MYO15A: variants seen among roughly 807,000 people sequenced by gnomAD.
MYO15A encodes unconventional myosin-XV.
MYO15A carries 308 observed loss-of-function variants against 394.6 expected under a neutral mutation model. The observed-to-expected ratio is 0.78, with a 90% CI of 0.71 to 0.86. The LOEUF (loss-of-function observed/expected upper bound fraction) is 0.86. Ranked by LOEUF, MYO15A falls within the 40% of genes least tolerant of loss-of-function variation. The probability of loss-of-function intolerance (pLI) is 0.00; values close to 1 mark genes in which losing one functional copy is unlikely to be tolerated. For synonymous variants in MYO15A, 1,957 were observed against 2,003.8 expected, an observed-to-expected ratio of 0.98 and a Z score of 0.62; for missense variants, 4,606 against 4,799.1, an observed-to-expected ratio of 0.96 and a Z score of 1.19.
Position 18,119,152 on chromosome 17 carries a change from G to A in MYO15A, c.352G>A (p.Gly118Ser), listed in dbSNP as rs749719787. ...CCGCTTCCCAGGCCGCCGTGGCTAC[G>A]GCCGCCTGCGGCCGCGCGCCCGGTC... ...VIRFPGRRGY[G>S]RLRPRARSLS... Residue 118 changes from glycine to serine, a missense_variant, in exon 2 of 66, where the codon GGC becomes AGC. Around this residue, in one of 2 missense-constraint regions of MYO15A, gnomAD observed 1,830 missense variants for 1,689.7 expected, o/e 1.08. Transcript: ENST00000647165. 3.1e-6 allele frequency: 5 copies of A among 1,608,280 alleles called. No individual in the cohort carries two copies. Among genetic ancestry groups the A allele is most frequent in the Non-Finnish European group, 4.2e-6 (5 of 1,176,756 alleles).
intron 10 of MYO15A, among the ~76,000 whole-genome samples, chr17:18,131,764 C>T (rs2046172231): frequency 6.6e-6 from 1 of 152,140 alleles, no homozygotes; most frequent in African/African-American, 2.4e-5. Flanking sequence ...TTTGCACCTT[C>T]TGTTCCTTCC....
intron 30 of MYO15A, 28 bp downstream of exon 30, chr17:18,146,135 C>A (rs2046476368): frequency 6.2e-7 from 1 of 1,607,662 alleles, no homozygotes; most frequent in African/African-American, 1.3e-5. Context: ...GGGGCTGGGA[C>A]ACGAGGGACG....
At chr17:18,131,959 A>G (rs961116659) in intron 10 of MYO15A, among the ~76,000 whole-genome samples, 4 of 152,046 alleles carry the variant, frequency 2.6e-5, no homozygotes, top group Admixed American at 2.6e-4. Flanking sequence ...TGTCTCATAT[A>G]TTTTATGTTT....
intron 60 of MYO15A, among the ~76,000 whole-genome samples, chr17:18,165,465 A>C (rs1054356500): frequency 6.6e-6 from 1 of 152,002 alleles, no homozygotes; most frequent in Non-Finnish European, 1.5e-5. Flanking sequence ...TAGAATCCTC[A>C]TATCTCTCTC....
chr17:18,138,928 A>G lies in MYO15A; in HGVS notation c.5125A>G (p.Thr1709Ala). ...CATCAAGCACTATGCAGGCAAGGTC[A>G]CCTACCAGGTGAGCCCTAAGACAGT... ...FTIKHYAGKV[T>A]YQVHKFLDKN... Residue 1709 changes from threonine (T) to alanine (A), a missense_variant, in exon 18 of 66, where the codon ACC becomes GCC. Around this residue, in one of 2 missense-constraint regions of MYO15A, gnomAD observed 2,776 missense variants for 3,109.3 expected, o/e 0.89. Transcript: ENST00000647165. The G allele has an allele frequency of 6.2e-7, 1 of 1,612,236 alleles. No individual in the cohort carries two copies. Among genetic ancestry groups the G allele is most frequent in the South Asian group, 1.1e-5 (1 of 90,676 alleles).
intron 30 of MYO15A, among the ~76,000 whole-genome samples, chr17:18,146,578 G>A (rs2046484464): frequency 6.6e-6 from 1 of 152,148 alleles, no homozygotes; most frequent in African/African-American, 2.4e-5. Flanking sequence ...TAAGTGTGAT[G>A]ATTGAGTTTT....
chr17:18,148,640 C>T lies in MYO15A; in HGVS notation c.6764+72C>T. ...TGTTGTGGGGGGAGGTCAGATCCCC[C>T]AGAGGGTCCCATAGGGTCCATTCTG... On this transcript the variant is annotated intron_variant, in intron 32 of 65. Coordinates refer to ENST00000647165, the MANE Select transcript of MYO15A (RefSeq NM_016239.4). The surrounding 1 kb of genome is among the most constrained non-coding windows in gnomAD (Gnocchi z 4.8). 1 of 1,547,328 alleles carries T rather than the reference C, an allele frequency of 6.5e-7. No homozygotes were observed. Among genetic ancestry groups the T allele is most frequent in the Non-Finnish European group, 8.7e-7 (1 of 1,144,006 alleles).
intron 62 of MYO15A, 113 bp downstream of exon 62, chr17:18,167,836 T>C (rs1214498141): frequency 2.7e-6 from 4 of 1,478,786 alleles, no homozygotes; most frequent in African/African-American, 2.8e-5. Context: ...TCCCCTCTTA[T>C]ACCAGTGGGG....
chr17:18,136,820 G>C, intron 15 of MYO15A, 134 bp downstream of exon 15: 1 of 1,283,730 alleles, frequency 7.8e-7, no homozygotes, highest in Non-Finnish European at 1.1e-6. Context: ...ACCCCTCCCT[G>C]TCACCATCTC....
chr17:18,169,213 G>C (rs1453492589), intron 62 of MYO15A, among the ~76,000 whole-genome samples: 1 of 151,276 alleles, frequency 6.6e-6, no homozygotes, highest in East Asian at 1.9e-4. Context: ...TTGGGAGGTC[G>C]AGGTGCGTGG....
intron 57 of MYO15A, among the ~76,000 whole-genome samples, chr17:18,161,665 C>T (rs1359974960): frequency 6.6e-6 from 1 of 152,158 alleles, no homozygotes; most frequent in Non-Finnish European, 1.5e-5. Flanking sequence ...GGGATGACTC[C>T]TTGGAGGAAG....
Position 18,149,381 on chromosome 17 carries a change from A to G in MYO15A, c.7117+5A>G. On this transcript the variant is annotated splice_donor_5th_base_variant and intron_variant, in intron 34 of 65. Coordinates refer to ENST00000647165, the MANE Select transcript of MYO15A (RefSeq NM_016239.4). ...GAGGGACAGCAACCCACCAAGGTCA[A>G]CCAACAATGGCTGCTGTCTCTGGTG... The G allele has an allele frequency of 6.2e-7, 1 of 1,606,972 alleles. No individual in the cohort carries two copies. Among genetic ancestry groups the G allele is most frequent in the Non-Finnish European group, 8.5e-7 (1 of 1,176,418 alleles).
chr17:18,160,049 C>T, intron 56 of MYO15A, 32 bp downstream of exon 56: 1 of 1,596,970 alleles, frequency 6.3e-7, no homozygotes, highest in Non-Finnish European at 8.5e-7. Flanking sequence ...CCACCATCCC[C>T]TCACTGTGTC....
chr17:18,123,323 T>C (rs1731292681), intron 2 of MYO15A: 1 of 152,246 alleles, frequency 6.6e-6, no homozygotes, highest in South Asian at 2.1e-4. Flanking sequence ...GCTGCAGCGT[T>C]GCGGGAGCGG....
At position 18,155,063 on chromosome 17, in the gene MYO15A, G is replaced by A. The variant is rs374852666; in HGVS notation, c.8225-47G>A. 2.1e-5 allele frequency: 33 copies of A among 1,558,964 alleles called. No individual in the cohort carries two copies. In the African/African-American group the frequency reaches 4.2e-4, roughly 20 times the overall value. On this transcript the variant is annotated intron_variant, in intron 45 of 65. Coordinates refer to ENST00000647165, the MANE Select transcript of MYO15A (RefSeq NM_016239.4). ...CCCTGACATCCCCGAGATGGGGGTT[G>A]CCAGGGGAGTGGGGAGAGGGTCCTG...
chr17:18,148,856 T>C lies in MYO15A; in HGVS notation c.6860T>C (p.Val2287Ala). ...GGCCACGACTACGTGTTAGACCTGG[T>C]GTCGGACCTGGAGCTGCTCAGGGAC... ...LAGHDYVLDL[V>A]SDLELLRDFP... The change falls in exon 33 of 66, where the codon GTG becomes GCG. Residue 2287 changes from valine to alanine, a missense_variant. Val to Ala is a moderately conservative substitution (Grantham distance 64, BLOSUM62 0). Transcript: ENST00000647165. The surrounding 1 kb of genome is among the most constrained non-coding windows in gnomAD (Gnocchi z 4.8). 6.2e-7 allele frequency: 1 copy of C among 1,607,730 alleles called. No individual in the cohort carries two copies. The highest frequency in any genetic ancestry group is 8.5e-7 in the Non-Finnish European group (1 of 1,177,088).
chr17:18,125,418 G>A (rs1017440698), intron 4 of MYO15A, 187 bp downstream of exon 4: 29 of 634,382 alleles, frequency 4.6e-5, no homozygotes, highest in Admixed American at 1.2e-4. Flanking sequence ...GCCAGAGGCC[G>A]GGCACAGTGG....
intron 56 of MYO15A, chr17:18,161,083 A>G (rs1466275503): frequency 1.5e-6 from 1 of 680,542 alleles, no homozygotes; most frequent in Admixed American, 2.0e-5. Flanking sequence ...AAAGAGTCGC[A>G]GTGCTTCCCC....
Position 18,138,811 on chromosome 17 carries a change from G to T in MYO15A, c.5008G>T (p.Ala1670Ser). The change falls in exon 18 of 66, where the codon GCT becomes TCT. Residue 1670 changes from alanine (A) to serine (S), a missense_variant and splice_region_variant. Around this residue, in one of 2 missense-constraint regions of MYO15A, gnomAD observed 2,776 missense variants for 3,109.3 expected, o/e 0.89. Transcript: ENST00000647165. The part of the protein sequence containing the change: ...ILDDQCCFPQ[A>S]TDHTFLQKCH... ...CCACTGATCCCTAAATTGCCCCCAG[G>T]CTACAGACCACACCTTCCTACAGAA... The T allele has an allele frequency of 6.2e-7, 1 of 1,613,718 alleles. No individual in the cohort carries two copies.
Sources: gnomAD v4.1 joint callset for allele counts (sites outside exome capture counted in the v4.1 genomes callset) on GRCh38, gnomAD v4.1.1 for gene constraint, gnomAD v4.1.1 regional missense constraint, Gnocchi (gnomAD v3.1) non-coding constraint, MANE v1.5 for transcripts, NCBI Gene and HGNC (gene_info 2026-07-23, HGNC 2026-07-21) for gene names.